The following CFAP299 variants were observed in gnomAD, a reference collection of about 807,000 sequenced individuals.
The protein encoded by CFAP299 is cilia and flagella associated protein 299, also known as cilia- and flagella-associated protein 299.
Under a neutral mutation model 27.0 loss-of-function variants are expected in CFAP299, and 21 were observed. The ratio of observed to expected loss-of-function variants is 0.78; its 90% CI spans 0.55 to 1.12. The LOEUF (loss-of-function observed/expected upper bound fraction) is 1.12. Among genes scored for constraint, CFAP299 ranks in the 50% most tolerant of loss-of-function variants. The probability of loss-of-function intolerance (pLI) is 0.00; values close to 1 mark genes in which losing one functional copy is unlikely to be tolerated. For synonymous variants in CFAP299, 104 were observed against 98.1 expected (o/e 1.06, Z -0.36); for missense variants, 310 against 276.6 (o/e 1.12, Z -0.86).
chr4:80,477,367 C>G (rs1730334615), intron 2 of CFAP299, among the ~76,000 whole-genome samples: 1 of 152,088 alleles, frequency 6.6e-6, no homozygotes, highest in Non-Finnish European at 1.5e-5. Flanking sequence ...AACCCCACCT[C>G]TGCTTCTTGA....
intron 2 of CFAP299, among the ~76,000 whole-genome samples, chr4:80,412,734 T>A (rs1417131157): frequency 1.3e-5 from 2 of 152,148 alleles, no homozygotes; most frequent in African/African-American, 4.8e-5. Flanking sequence ...ATTGTTGGAT[T>A]GTTAATATCA....
chr4:80,890,322 TA>T (rs1224519382), intron 4 of CFAP299, among the ~76,000 whole-genome samples: 1 of 152,138 alleles, frequency 6.6e-6, no homozygotes, highest in East Asian at 1.9e-4. Context: ...GGAGCATTTT[TA>T]TATACCAACA....
At chr4:80,382,836 T>C (rs1724775167) in intron 2 of CFAP299, among the ~76,000 whole-genome samples, 1 of 152,080 alleles carries the variant, frequency 6.6e-6, no homozygotes, top group Non-Finnish European at 1.5e-5. Flanking sequence ...ATATTTATAT[T>C]CCCAAAGGAA....
intron 5 of CFAP299, among the ~76,000 whole-genome samples, chr4:80,952,139 G>GT (rs1453991276): frequency 3.3e-5 from 5 of 152,302 alleles, no homozygotes; most frequent in Non-Finnish European, 5.9e-5. Flanking sequence ...ACTGTTAAAT[G>GT]TAGGGCAGGA....
At position 80,945,186 on chromosome 4, in the gene CFAP299, A is replaced by G. The variant is rs547107467; in HGVS notation, c.606+247A>G. On this transcript the variant is annotated intron_variant, in intron 5 of 5. Transcript: ENST00000358105. Reference sequence around the variant, plus strand: ...AACTCACAAGTGGAAACACTTCTCCATGCCTAGCACAGAATTGCACCAGGG... The same window carrying G: ...AACTCACAAGTGGAAACACTTCTCCGTGCCTAGCACAGAATTGCACCAGGG... Among the ~76,000 whole-genome samples, 15 of 152,346 alleles carry G rather than the reference A, an allele frequency of 9.8e-5. No homozygotes were observed. The South Asian group carries it at 2.7e-3, about 27-fold the overall frequency.
At chr4:80,664,856 G>T (rs957105229) in intron 3 of CFAP299, among the ~76,000 whole-genome samples, 6 of 152,172 alleles carry the variant, frequency 3.9e-5, no homozygotes, top group Non-Finnish European at 8.8e-5. Context: ...GGCCCTGGTG[G>T]TGTAGGCACC....
chr4:80,908,147 A>G (rs1215172090), intron 4 of CFAP299, among the ~76,000 whole-genome samples: 1 of 152,186 alleles, frequency 6.6e-6, no homozygotes, highest in Non-Finnish European at 1.5e-5. Flanking sequence ...ACTCTCATAA[A>G]TTCTTCTACT....
intron 5 of CFAP299, among the ~76,000 whole-genome samples, chr4:80,961,710 A>C (rs139814430): frequency 0.011 from 1,642 of 152,050 alleles, 33 homozygotes; most frequent in African/African-American, 0.038. Context: ...TATCAAAAGT[A>C]AACACAGAAA....
chr4:80,644,128 C>A (rs1434726736), intron 3 of CFAP299, among the ~76,000 whole-genome samples: 1 of 152,038 alleles, frequency 6.6e-6, no homozygotes, highest in East Asian at 1.9e-4. Context: ...ATCCAATATG[C>A]TTTTGTCAAA....
At chr4:80,413,658 C>G (rs1726842568) in intron 2 of CFAP299, among the ~76,000 whole-genome samples, 1 of 151,884 alleles carries the variant, frequency 6.6e-6, no homozygotes, top group South Asian at 2.1e-4. Flanking sequence ...CACAAGAGTC[C>G]AAGACCTCAA....
rs1042181070 is a variant in CFAP299, at chr4:80,376,881, C to T, written c.242+13997C>T. 1.1e-4 allele frequency among the ~76,000 whole-genome samples: 16 copies of T among 152,320 alleles called. 1 individual carries two copies. In the South Asian group the frequency reaches 2.5e-3, roughly 24 times the overall value. On this transcript the variant is annotated intron_variant, in intron 2 of 5. Coordinates refer to ENST00000358105, the MANE Select transcript of CFAP299 (RefSeq NM_152770.3). ...CATTGGCTAGGCTGGTCTTGAACTC[C>T]TGACCTCAGGTGATCCACCCACCTC...
chr4:80,814,813 C>A (rs1376492090), intron 3 of CFAP299, among the ~76,000 whole-genome samples: 2 of 151,704 alleles, frequency 1.3e-5, no homozygotes, highest in South Asian at 2.1e-4. Context: ...CTCTTATCTC[C>A]ATAAGGACAA....
chr4:80,889,750 A>G (rs1734160632), intron 4 of CFAP299, among the ~76,000 whole-genome samples: 1 of 152,090 alleles, frequency 6.6e-6, no homozygotes, highest in Non-Finnish European at 1.5e-5. Context: ...ACCAAATTCA[A>G]AAATACATTA....
chr4:80,345,445 C>A (rs1378080567), intron 1 of CFAP299, among the ~76,000 whole-genome samples: 1 of 131,162 alleles, frequency 7.6e-6, no homozygotes, highest in Non-Finnish European at 1.6e-5. Context: ...CCATGACAGA[C>A]CCCGGTGTGT....
intron 3 of CFAP299, among the ~76,000 whole-genome samples, chr4:80,615,188 A>G (rs1214366034): frequency 6.6e-6 from 1 of 152,126 alleles, no homozygotes; most frequent in Non-Finnish European, 1.5e-5. Context: ...TACTAGTCTG[A>G]GCAAATTAGT....
At chr4:80,727,294 TA>T (rs1723216675) in intron 3 of CFAP299, among the ~76,000 whole-genome samples, 1 of 152,070 alleles carries the variant, frequency 6.6e-6, no homozygotes, top group African/African-American at 2.4e-5. Flanking sequence ...ACTATTTATA[TA>T]ATGGTAATAT....
At chr4:80,786,970 G>A (rs1727281225) in intron 3 of CFAP299, among the ~76,000 whole-genome samples, 2 of 151,812 alleles carry the variant, frequency 1.3e-5, no homozygotes, top group South Asian at 4.2e-4. Flanking sequence ...ATATCCTTCT[G>A]ATACACTTGA....
intron 2 of CFAP299, among the ~76,000 whole-genome samples, chr4:80,525,514 A>T (rs991571866): frequency 2.0e-5 from 3 of 152,066 alleles, no homozygotes; most frequent in African/African-American, 7.2e-5. Flanking sequence ...AGCCAGGGTT[A>T]TTTCTTTGAA....
At chr4:80,617,319 A>G (rs1456695707) in intron 3 of CFAP299, among the ~76,000 whole-genome samples, 1 of 152,164 alleles carries the variant, frequency 6.6e-6, no homozygotes, top group Non-Finnish European at 1.5e-5. Flanking sequence ...AAATTGTGTT[A>G]GATGTTATCA....
Sources: allele counts gnomAD v4.1 joint callset (sites outside exome capture counted in the v4.1 genomes callset), GRCh38; gene constraint gnomAD v4.1.1; transcripts MANE v1.5; gene names NCBI Gene and HGNC (gene_info 2026-07-23, HGNC 2026-07-21).